The following VPS53 variants were observed in gnomAD, a reference collection of about 807,000 sequenced individuals.
VPS53 encodes VPS53 subunit of GARP complex.
VPS53 carries 70 observed loss-of-function variants against 107.0 expected under a neutral mutation model. That is an observed-to-expected ratio of 0.65 (90% CI 0.54 to 0.80). VPS53 has a LOEUF of 0.80. VPS53 is among the 30% of genes least tolerant of loss of function. VPS53 has a pLI of 0.00. For missense variants in VPS53, 917 were observed against 1,049.4 expected, an observed-to-expected ratio of 0.87 and a Z score of 1.74; for synonymous variants, 409 against 393.3, an observed-to-expected ratio of 1.04 and a Z score of -0.47.
chr17:515,096 A>T lies in VPS53; in HGVS notation c.*4032T>A, dbSNP rs183682014. 6 of 152,214 alleles carry T rather than the reference A, an allele frequency of 3.9e-5. No individual in the cohort carries two copies. Among genetic ancestry groups the T allele is most frequent in the Non-Finnish European group, 5.9e-5 (4 of 68,000 alleles). 9.4% of individuals were successfully genotyped at this position (152,214 alleles called of 1,614,324 possible). ...TACAAATTACCACTATTTATTTTAA[A>T]CCCAAAGTGACTTCAAAGTTGTTTT... On this transcript the variant is annotated 3_prime_UTR_variant, in exon 22 of 22. Coordinates refer to ENST00000437048, the MANE Select transcript of VPS53 (RefSeq NM_001128159.3).
intron 4 of VPS53, among the ~76,000 whole-genome samples, chr17:694,285 G>A (rs991916981): frequency 2.0e-5 from 3 of 152,152 alleles, no homozygotes; most frequent in Non-Finnish European, 2.9e-5. Context: ...GCTCTGCTGC[G>A]GCAACCTGTA....
chr17:521,530 C>A, intron 20 of VPS53, 71 bp downstream of exon 20: 2 of 1,456,208 alleles, frequency 1.4e-6, no homozygotes, highest in East Asian at 2.6e-5. Context: ...CTACCCTGTG[C>A]TTTCAAAACC....
intron 7 of VPS53, among the ~76,000 whole-genome samples, chr17:652,355 G>T (rs530741538): frequency 6.6e-6 from 1 of 152,274 alleles, no homozygotes; most frequent in African/African-American, 2.4e-5. Flanking sequence ...CATGCTTTTT[G>T]TAACAATGTG....
At chr17:605,926 T>G (rs1365515794) in intron 11 of VPS53, among the ~76,000 whole-genome samples, 1 of 152,128 alleles carries the variant, frequency 6.6e-6, no homozygotes, top group Non-Finnish European at 1.5e-5. Context: ...AACAGCGAAG[T>G]GATGTGATCT....
At chr17:652,871 G>A (rs1490450011) in intron 7 of VPS53, among the ~76,000 whole-genome samples, 1 of 152,188 alleles carries the variant, frequency 6.6e-6, no homozygotes, top group African/African-American at 2.4e-5. Context: ...GGAAGACATG[G>A]GAAGGGGTAA....
chr17:631,769 T>G (rs1422061212), intron 7 of VPS53, 141 bp from the exon 8 acceptor site: 3 of 655,654 alleles, frequency 4.6e-6, no homozygotes, highest in Non-Finnish European at 7.9e-6. Context: ...AGAGGTCACA[T>G]ACTAGTTAAG....
Position 519,383 on chromosome 17 carries a change from C to A in VPS53, c.2329-85G>T. The stretch of plus-strand genomic sequence containing the variant: ...ACAGCGCAGTATCTGGATATGGGGT[C>A]AGCAGAGGCTCTGGAGACAGCATAG... On this transcript the variant is annotated intron_variant, in intron 21 of 21. Coordinates refer to ENST00000437048, the MANE Select transcript of VPS53 (RefSeq NM_001128159.3). The surrounding 1 kb of genome is among the most constrained non-coding windows in gnomAD (Gnocchi z 5.0). 1 of 1,328,828 alleles carries A rather than the reference C, an allele frequency of 7.5e-7. No individual in the cohort carries two copies. The highest frequency in any genetic ancestry group is 1.7e-5 in the South Asian group (1 of 60,032). 82.3% of individuals were successfully genotyped at this position (1,328,828 alleles called of 1,614,324 possible).
intron 4 of VPS53, among the ~76,000 whole-genome samples, chr17:666,380 G>A (rs1012481316): frequency 6.6e-6 from 1 of 152,160 alleles, no homozygotes; most frequent in Non-Finnish European, 1.5e-5. Context: ...ACTCATGTAA[G>A]AGGCTGGGCG....
At chr17:528,284 A>C (rs1909268869) in intron 19 of VPS53, among the ~76,000 whole-genome samples, 1 of 152,170 alleles carries the variant, frequency 6.6e-6, no homozygotes. Flanking sequence ...TTTGCCAACC[A>C]TTAATCCACT....
chr17:525,731 C>T (rs1295613069), intron 19 of VPS53, among the ~76,000 whole-genome samples: 2 of 151,666 alleles, frequency 1.3e-5, no homozygotes, highest in Non-Finnish European at 2.9e-5. Flanking sequence ...GGCGCGGTGT[C>T]TCATGCCTGC....
At chr17:573,806 C>T (rs1462690602) in intron 13 of VPS53, among the ~76,000 whole-genome samples, 1 of 152,142 alleles carries the variant, frequency 6.6e-6, no homozygotes, top group East Asian at 1.9e-4. Flanking sequence ...CACTGTGTTG[C>T]GTCTCTGTCA....
chr17:584,248 C>A (rs1967201328), intron 13 of VPS53, among the ~76,000 whole-genome samples: 1 of 152,200 alleles, frequency 6.6e-6, no homozygotes, highest in Admixed American at 6.5e-5. Flanking sequence ...CATCTCGTTA[C>A]AATCATCTTG....
chr17:596,598 G>A (rs1307028039), intron 12 of VPS53, among the ~76,000 whole-genome samples: 4 of 152,226 alleles, frequency 2.6e-5, no homozygotes, highest in Non-Finnish European at 1.5e-5. Flanking sequence ...GTGAGCTGAA[G>A]CAAGAGAGGA....
chr17:703,403 C>T (rs1235278878), intron 2 of VPS53, among the ~76,000 whole-genome samples: 1 of 152,182 alleles, frequency 6.6e-6, no homozygotes, highest in Non-Finnish European at 1.5e-5. Context: ...TTTTCCTGCA[C>T]CCCAAGACAC....
At chr17:564,156 G>T (rs1198654010) in intron 13 of VPS53, among the ~76,000 whole-genome samples, 1 of 151,586 alleles carries the variant, frequency 6.6e-6, no homozygotes, top group African/African-American at 2.4e-5. Context: ...AACACTTTGG[G>T]AGGCCCAGGC....
chr17:571,411 T>A (rs1567636586), intron 13 of VPS53, among the ~76,000 whole-genome samples: 1 of 152,214 alleles, frequency 6.6e-6, no homozygotes, highest in Non-Finnish European at 1.5e-5. Flanking sequence ...GGGCTCTTTG[T>A]ATAATTCTTA....
In VPS53 at chr17:524,499, T is replaced by TG. The variant is rs901205341; in HGVS notation, c.2086-2762dup. Among the ~76,000 whole-genome samples the TG allele has an allele frequency of 2.0e-5, 3 of 152,120 alleles. No homozygotes were observed. Among genetic ancestry groups the TG allele is most frequent in the African/African-American group, 7.2e-5 (3 of 41,418 alleles). The stretch of plus-strand genomic sequence containing the variant: ...TGACAAGGGAACGGGGTTCCGAACA[T>TG]GAAGATTCCTACACATCAACAGGAA... On this transcript the variant is annotated intron_variant, in intron 19 of 21. Coordinates refer to ENST00000437048, the MANE Select transcript of VPS53 (RefSeq NM_001128159.3). This position sits in a 1 kb window ranked among gnomAD's most constrained non-coding sequence, Gnocchi z 4.5.
intron 4 of VPS53, among the ~76,000 whole-genome samples, chr17:671,083 T>C (rs1369296841): frequency 6.6e-6 from 1 of 151,838 alleles, no homozygotes; most frequent in Non-Finnish European, 1.5e-5. Flanking sequence ...ATACAAAAAC[T>C]AGCCAGCCAT....
intron 4 of VPS53, among the ~76,000 whole-genome samples, chr17:694,512 G>A (rs1328696806): frequency 2.0e-5 from 3 of 152,090 alleles, no homozygotes; most frequent in African/African-American, 7.2e-5. Flanking sequence ...AAACATCTAT[G>A]ACTCCTGCAC....
Sources: allele counts gnomAD v4.1 joint callset (sites outside exome capture counted in the v4.1 genomes callset), GRCh38; gene constraint gnomAD v4.1.1; non-coding constraint Gnocchi (gnomAD v3.1); transcripts MANE v1.5; gene names NCBI Gene and HGNC (gene_info 2026-07-23, HGNC 2026-07-21).